Variants in U2SURP observed in about 807,000 individuals in gnomAD.
U2SURP encodes the protein U2 snRNP-associated SURP motif-containing protein.
U2SURP carries 9 observed loss-of-function variants against 144.9 expected under a neutral mutation model. The ratio of observed to expected loss-of-function variants is 0.06; its 90% CI spans 0.04 to 0.11. The LOEUF is 0.11. Among genes scored for constraint, U2SURP ranks in the 10% least tolerant of loss-of-function variants. The pLI is 1.00. For synonymous variants in U2SURP, 408 were observed against 396.8 expected, an observed-to-expected ratio of 1.03 and a Z score of -0.33; for missense variants, 724 against 1,226.7, an observed-to-expected ratio of 0.59 and a Z score of 6.12.
intron 7 of U2SURP, among the ~76,000 whole-genome samples, 168 bp from the exon 8 acceptor site, chr3:143,020,431 C>T (rs1578128103): frequency 6.6e-6 from 1 of 152,076 alleles, no homozygotes; most frequent in African/African-American, 2.4e-5. Flanking sequence ...CAGAAATTTG[C>T]TCGTGGTTGT....
intron 8 of U2SURP, among the ~76,000 whole-genome samples, 164 bp from the exon 9 acceptor site, chr3:143,021,186 G>T (rs187576064): frequency 1.3e-5 from 2 of 152,174 alleles, no homozygotes; most frequent in Admixed American, 1.3e-4. Context: ...GCAAGAGTCT[G>T]TCTCAAAAAA....
intron 1 of U2SURP, among the ~76,000 whole-genome samples, chr3:143,003,574 A>G (rs1935648800): frequency 6.6e-6 from 1 of 151,692 alleles, no homozygotes; most frequent in Non-Finnish European, 1.5e-5. Context: ...AAAAGTTCTT[A>G]GCTTTCAAAA....
chr3:143,022,941 G>A lies in U2SURP; in HGVS notation c.1107G>A (p.Met369Ile). 6.2e-7 allele frequency: 1 copy of A among 1,612,822 alleles called. No individual in the cohort carries two copies. Among genetic ancestry groups the A allele is most frequent in the Non-Finnish European group, 8.5e-7 (1 of 1,179,414 alleles). ...ATCCAATATACATTCCGCCTTCTAT[G>A]ATGGAACATACGCTTCCCCCACCTC... ...PPHPIYIPPS[M>I]MEHTLPPPPS... Residue 369 changes from methionine to isoleucine, a missense_variant, in exon 12 of 28, where the codon ATG becomes ATA. Transcript: ENST00000473835.
chr3:143,010,853 T>A lies in U2SURP; in HGVS notation c.84T>A (p.Asp28Glu). The A allele has an allele frequency of 6.2e-7, 1 of 1,607,380 alleles. No individual in the cohort carries two copies. Among genetic ancestry groups the A allele is most frequent in the Non-Finnish European group, 8.5e-7 (1 of 1,177,262 alleles). ...ATGTTCATTCATCTGGATCTTCAGA[T>A]GCACATGTGAGTATAGAAGGCAATC... is the stretch of plus-strand genomic sequence containing the variant. ...SSDVHSSGSSDAHMDASGPSD... is the reference protein window; with the variant it reads ...SSDVHSSGSSEAHMDASGPSD... Residue 28 changes from aspartate (D) to glutamate (E), a missense_variant, in exon 2 of 28, where the codon GAT (aspartate) becomes GAA (glutamate). Transcript: ENST00000473835.
Position 143,019,980 on chromosome 3 carries a change from A to C in U2SURP, c.582A>C (p.Lys194Asn). The C allele has an allele frequency of 6.6e-7, 1 of 1,518,516 alleles. No homozygotes were observed. The highest frequency in any genetic ancestry group is 8.9e-7 in the Non-Finnish European group (1 of 1,126,330). The allele number at this position is 1,518,516 out of a possible 1,614,324, so 94.1% of individuals were successfully genotyped here. Reference sequence around the variant, plus strand: ...CATATCCTTTATAGCCACTTAAAAAAGGAGAGAAAGAAAAGAAAAAAAGCA... The same window carrying C: ...CATATCCTTTATAGCCACTTAAAAACGGAGAGAAAGAAAAGAAAAAAAGCA... Reference protein sequence around the residue: ...VIETKKPPLKKGEKEKKKSNL... With the variant: ...VIETKKPPLKNGEKEKKKSNL... The change falls in exon 7 of 28, where the codon AAA (lysine) becomes AAC (asparagine). Residue 194 changes from lysine to asparagine, a missense_variant. By Grantham distance (94) the Lys-to-Asn change is moderately conservative. Transcript: ENST00000473835.
At chr3:143,028,233 T>G (rs1933270485) in intron 14 of U2SURP, 107 bp from the exon 15 acceptor site, 2 of 1,295,396 alleles carry the variant, frequency 1.5e-6, no homozygotes, top group Non-Finnish European at 2.1e-6. Context: ...TGTTTTTGTT[T>G]TATTTAGAAC....
chr3:143,051,761 G>T (rs1934879328), intron 25 of U2SURP, among the ~76,000 whole-genome samples: 3 of 152,140 alleles, frequency 2.0e-5, no homozygotes. Context: ...GTGCTGCTCA[G>T]ACCTGTGGAA....
chr3:143,051,030 G>T lies in U2SURP; in HGVS notation c.2636G>T (p.Arg879Ile). 1 of 1,608,372 alleles carries T rather than the reference G, an allele frequency of 6.2e-7. No individual in the cohort carries two copies. Among genetic ancestry groups the T allele is most frequent in the South Asian group, 1.1e-5 (1 of 89,388 alleles). The change falls in exon 25 of 28, where the codon AGA (arginine) becomes ATA (isoleucine). Residue 879 changes from arginine (R) to isoleucine (I), a missense_variant. Physicochemically the swap from Arg to Ile is moderately conservative, Grantham distance 97. This residue lies in a region of U2SURP where 129 missense variants were observed against 196.1 expected (regional missense o/e 0.66). Transcript: ENST00000473835. ...TTTCAGGAGCAAGTAGAACACTACA[G>T]AGATAAACTTCTTCAACGAGTAAGG... The part of the protein sequence containing the change: ...QSFQEQVEHY[R>I]DKLLQREKEK...
intron 7 of U2SURP, 144 bp from the exon 8 acceptor site, chr3:143,020,455 G>A: frequency 1.6e-6 from 1 of 614,326 alleles, no homozygotes; most frequent in Non-Finnish European, 2.9e-6. Flanking sequence ...ATAGCTGAGG[G>A]ACCCTCTAAT....
chr3:143,051,924 A>C (rs760976888), intron 25 of U2SURP, among the ~76,000 whole-genome samples: 3 of 152,188 alleles, frequency 2.0e-5, no homozygotes, highest in Non-Finnish European at 2.9e-5. Flanking sequence ...TATTTTAGCT[A>C]TACGGTTCCT....
intron 24 of U2SURP, among the ~76,000 whole-genome samples, chr3:143,050,485 T>G (rs1390037093): frequency 6.6e-6 from 1 of 152,210 alleles, no homozygotes; most frequent in Non-Finnish European, 1.5e-5. Flanking sequence ...AGTGAAACCT[T>G]CAGACTGTGT....
chr3:143,024,456 G>T, intron 13 of U2SURP: 1 of 429,808 alleles, frequency 2.3e-6, no homozygotes, highest in Non-Finnish European at 4.6e-6. Context: ...GCATAGCTTT[G>T]TTTTTTGTTT....
chr3:143,054,676 CTTAA>C lies in U2SURP; in HGVS notation c.2775-263_2775-260del, dbSNP rs199920764. ...AAAAACTGATATTTAATCCAGAGAC[CTTAA>C]TTAGATTTTGCCAGTTGTTTCAATA... is the stretch of plus-strand genomic sequence containing the variant. On this transcript the variant is annotated intron_variant, in intron 26 of 27. Coordinates refer to ENST00000473835, the MANE Select transcript of U2SURP (RefSeq NM_001080415.2). 4.1e-4 allele frequency among the ~76,000 whole-genome samples: 62 copies of C among 152,282 alleles called. No individual in the cohort carries two copies. In the East Asian group the frequency reaches 0.011, roughly 27 times the overall value.
At chr3:143,031,612 G>A (rs1432290996) in intron 16 of U2SURP, among the ~76,000 whole-genome samples, 1 of 152,176 alleles carries the variant, frequency 6.6e-6, no homozygotes, top group Admixed American at 6.5e-5. Flanking sequence ...TAGACATACT[G>A]CTATTGCATA....
At chr3:143,053,828 G>A in intron 26 of U2SURP, 34 bp downstream of exon 26, 1 of 1,506,688 alleles carries the variant, frequency 6.6e-7, no homozygotes, top group Non-Finnish European at 8.9e-7. Flanking sequence ...TGCATATACT[G>A]GTTTCAAGAT....
chr3:143,024,763 T>C (rs1322926374), intron 13 of U2SURP, among the ~76,000 whole-genome samples: 1 of 152,204 alleles, frequency 6.6e-6, no homozygotes, highest in East Asian at 1.9e-4. Flanking sequence ...AGCTGAACTG[T>C]CTGCGGCAGC....
chr3:143,024,666 A>G (rs1933028764), intron 13 of U2SURP: 1 of 232,476 alleles, frequency 4.3e-6, no homozygotes, highest in South Asian at 4.8e-5. Context: ...CCTTTTCCCA[A>G]ACACAGGAAC....
chr3:143,006,852 G>T (rs1433665522), intron 1 of U2SURP, among the ~76,000 whole-genome samples: 1 of 152,184 alleles, frequency 6.6e-6, no homozygotes, highest in African/African-American at 2.4e-5. Context: ...TGTTAAACTT[G>T]TGGAGATGAA....
intron 24 of U2SURP, among the ~76,000 whole-genome samples, chr3:143,048,281 C>T (rs1265849019): frequency 6.6e-6 from 1 of 152,196 alleles, no homozygotes; most frequent in Non-Finnish European, 1.5e-5. Flanking sequence ...TCAGCAGGAA[C>T]TATAAGTAGG....
Sources: allele counts gnomAD v4.1 joint callset (sites outside exome capture counted in the v4.1 genomes callset), GRCh38; gene constraint gnomAD v4.1.1; regional missense constraint gnomAD v4.1.1; transcripts MANE v1.5; gene names NCBI Gene and HGNC (gene_info 2026-07-23, HGNC 2026-07-21).